Variants in NELL2 observed in about 807,000 individuals in gnomAD.
The protein encoded by NELL2 is protein kinase C-binding protein NELL2.
In NELL2, 41 loss-of-function variants were observed where a neutral mutation model predicts 109.6. The ratio of observed to expected loss-of-function variants is 0.37; its 90% CI spans 0.29 to 0.49. The LOEUF (loss-of-function observed/expected upper bound fraction) is 0.49, where lower values mean the gene tolerates loss of function less well. NELL2 is among the 20% of genes least tolerant of loss of function. The pLI is 0.98. For synonymous variants in NELL2, 355 were observed against 344.7 expected, an observed-to-expected ratio of 1.03 and a Z score of -0.33; for missense variants, 900 against 1,008.3, an observed-to-expected ratio of 0.89 and a Z score of 1.45.
chr12:44,801,120 A>C (rs1055654969), intron 3 of NELL2, among the ~76,000 whole-genome samples: 1 of 152,286 alleles, frequency 6.6e-6, no homozygotes, highest in South Asian at 2.1e-4. Context: ...AATTGTAGCT[A>C]TTATAGAAAC....
chr12:44,605,810 A>G (rs1454119439), intron 15 of NELL2, among the ~76,000 whole-genome samples: 1 of 152,152 alleles, frequency 6.6e-6, no homozygotes, highest in East Asian at 1.9e-4. Flanking sequence ...CCTTGTGATC[A>G]GAGGTGTTGA....
chr12:44,867,232 C>T (rs1008272755), intron 2 of NELL2, among the ~76,000 whole-genome samples: 9 of 152,040 alleles, frequency 5.9e-5, no homozygotes, highest in East Asian at 5.8e-4. Flanking sequence ...TAATCCTCAA[C>T]GAAATACTAG....
At chr12:44,657,431 T>G (rs557223969) in intron 13 of NELL2, among the ~76,000 whole-genome samples, 1 of 152,258 alleles carries the variant, frequency 6.6e-6, no homozygotes, top group Admixed American at 6.5e-5. Flanking sequence ...TACCATTAAT[T>G]GAGATTCTTC....
At chr12:44,915,441 C>A (rs77797007), upstream of NELL2, among the ~76,000 whole-genome samples, 3,803 of 152,188 alleles carry the variant, frequency 0.025, 67 homozygotes, top group Non-Finnish European at 0.038. Flanking sequence ...TATGCCTTTT[C>A]ATCCTTCTGT....
intron 2 of NELL2, among the ~76,000 whole-genome samples, chr12:44,832,097 T>C (rs1181725932): frequency 6.6e-6 from 1 of 152,164 alleles, no homozygotes; most frequent in African/African-American, 2.4e-5. Flanking sequence ...CTATTCCATA[T>C]TGCTTTTTTT....
At chr12:44,545,039 AAG>A (rs1280594317) in intron 15 of NELL2, among the ~76,000 whole-genome samples, 1 of 152,058 alleles carries the variant, frequency 6.6e-6, no homozygotes, top group Non-Finnish European at 1.5e-5. Context: ...TAAAGAAAAA[AAG>A]AGTGTCAAAA....
At chr12:44,890,695 T>C (rs1203412454) in intron 1 of NELL2, among the ~76,000 whole-genome samples, 1 of 151,756 alleles carries the variant, frequency 6.6e-6, no homozygotes, top group Non-Finnish European at 1.5e-5. Context: ...GGTTCACACA[T>C]TTATTTTTCT....
At chr12:44,599,936 T>G (rs945666118) in intron 15 of NELL2, among the ~76,000 whole-genome samples, 1 of 148,126 alleles carries the variant, frequency 6.8e-6, no homozygotes. Context: ...GCCTTCATAG[T>G]GCGTAGGGAA....
At chr12:44,811,857 G>A (rs1943190108) in intron 3 of NELL2, among the ~76,000 whole-genome samples, 2 of 152,076 alleles carry the variant, frequency 1.3e-5, no homozygotes, top group African/African-American at 4.8e-5. Flanking sequence ...AACTCACAGA[G>A]TCTAAATTCA....
upstream of NELL2, among the ~76,000 whole-genome samples, chr12:44,879,954 G>T (rs1428219640): frequency 1.3e-5 from 2 of 151,548 alleles, no homozygotes; most frequent in Non-Finnish European, 2.9e-5. Context: ...AAACTCCCAG[G>T]GTCTTCTGAA....
chr12:44,743,441 A>T (rs1172133066), intron 9 of NELL2, among the ~76,000 whole-genome samples: 2 of 152,214 alleles, frequency 1.3e-5, no homozygotes, highest in Non-Finnish European at 2.9e-5. Context: ...GATCAAATTC[A>T]CACATAACAA....
At chr12:44,574,554 C>A (rs1943997347) in intron 15 of NELL2, among the ~76,000 whole-genome samples, 1 of 152,006 alleles carries the variant, frequency 6.6e-6, no homozygotes, top group African/African-American at 2.4e-5. Flanking sequence ...TTTTAAAAAA[C>A]CCACTAAACA....
intron 12 of NELL2, among the ~76,000 whole-genome samples, chr12:44,668,833 C>T (rs1191999100): frequency 6.6e-6 from 1 of 152,140 alleles, no homozygotes; most frequent in Non-Finnish European, 1.5e-5. Flanking sequence ...GCCACTAGTG[C>T]CACCATCAGT....
intron 19 of NELL2, among the ~76,000 whole-genome samples, chr12:44,509,226 T>C (rs1192812880): frequency 1.3e-5 from 2 of 152,232 alleles, no homozygotes; most frequent in African/African-American, 4.8e-5. Flanking sequence ...GTATCACATT[T>C]GTTCTTTCAT....
chr12:44,724,373 T>A (rs988009621), intron 9 of NELL2, among the ~76,000 whole-genome samples: 48 of 151,902 alleles, frequency 3.2e-4, no homozygotes, highest in Non-Finnish European at 1.0e-4. Flanking sequence ...CACACCTGCA[T>A]ATGTATGCTT....
chr12:44,899,437 G>A (rs1328845661), intron 1 of NELL2, among the ~76,000 whole-genome samples: 1 of 152,182 alleles, frequency 6.6e-6, no homozygotes, highest in Non-Finnish European at 1.5e-5. Flanking sequence ...CTACAAGCCA[G>A]AAGAGAGTGG....
intron 13 of NELL2, among the ~76,000 whole-genome samples, chr12:44,626,652 AGAAT>A (rs1423914956): frequency 2.0e-5 from 3 of 152,198 alleles, no homozygotes; most frequent in Non-Finnish European, 4.4e-5. Context: ...GTAGAAACAG[AGAAT>A]TTTAAGAGAA....
intron 12 of NELL2, among the ~76,000 whole-genome samples, chr12:44,685,430 G>A (rs1948680980): frequency 6.6e-6 from 1 of 151,664 alleles, no homozygotes; most frequent in Non-Finnish European, 1.5e-5. Flanking sequence ...AGTTAATATT[G>A]TTATGTGTGA....
At chr12:44,657,156 A>C (rs1947533856) in intron 13 of NELL2, among the ~76,000 whole-genome samples, 1 of 152,218 alleles carries the variant, frequency 6.6e-6, no homozygotes, top group Non-Finnish European at 1.5e-5. Flanking sequence ...AAGGCTAGAA[A>C]ATCAATAGTG....
Sources: allele counts gnomAD v4.1 joint callset (sites outside exome capture counted in the v4.1 genomes callset), GRCh38; gene constraint gnomAD v4.1.1; transcripts MANE v1.5; gene names NCBI Gene and HGNC (gene_info 2026-07-23, HGNC 2026-07-21).